The following RAPGEF2 variants were observed in gnomAD, a reference collection of about 807,000 sequenced individuals.
RAPGEF2 encodes Rap guanine nucleotide exchange factor 2.
Under a neutral mutation model 186.7 loss-of-function variants are expected in RAPGEF2, and 54 were observed. The ratio of observed to expected loss-of-function variants is 0.29; its 90% CI spans 0.23 to 0.36. RAPGEF2 has a LOEUF of 0.36. RAPGEF2 is among the 10% of genes least tolerant of loss of function. RAPGEF2 has a pLI of 1.00. For missense variants in RAPGEF2, 1,532 were observed against 2,045.0 expected (o/e 0.75, Z 4.84); for synonymous variants, 712 against 705.9 (o/e 1.01, Z -0.14).
Position 159,337,294 on chromosome 4 carries a change from T to A in RAPGEF2, c.2136-1017T>A, listed in dbSNP as rs1248040090. 2.6e-5 allele frequency among the ~76,000 whole-genome samples: 4 copies of A among 152,354 alleles called. No homozygotes were observed. The East Asian group carries it at 7.7e-4, about 29-fold the overall frequency. Reference sequence around the variant, plus strand: ...TCAAGAAATAATGTCTGTGTCAGTCTCCTTACATTTGACTCCATAGTGATC... The same window carrying A: ...TCAAGAAATAATGTCTGTGTCAGTCACCTTACATTTGACTCCATAGTGATC... On this transcript the variant is annotated intron_variant, in intron 17 of 29. Coordinates refer to ENST00000691494, the MANE Select transcript of RAPGEF2 (RefSeq NM_001394067.2).
chr4:159,159,396 A>G (rs1744462744), intron 1 of RAPGEF2, among the ~76,000 whole-genome samples: 1 of 151,222 alleles, frequency 6.6e-6, no homozygotes, highest in Non-Finnish European at 1.5e-5. Context: ...ATCAACCTAT[A>G]GATGTTTTCA....
chr4:159,171,917 G>C (rs915538029), intron 1 of RAPGEF2, among the ~76,000 whole-genome samples: 2 of 151,972 alleles, frequency 1.3e-5, no homozygotes, highest in Admixed American at 1.3e-4. Flanking sequence ...CCGTTCAAGA[G>C]TTACAGCACC....
In RAPGEF2 at chr4:159,157,620, G is replaced by A. The variant is rs28493277; in HGVS notation, c.70-29022G>A. On this transcript the variant is annotated intron_variant, in intron 1 of 29. Transcript: ENST00000691494. Reference sequence around the variant, plus strand: ...AGGACCAGAAGTTTTGTTGCACTTGGTATCTGTAATCTTCGTATCTGTCTA... The same window carrying A: ...AGGACCAGAAGTTTTGTTGCACTTGATATCTGTAATCTTCGTATCTGTCTA... Among the ~76,000 whole-genome samples the A allele has an allele frequency of 9.8e-3, 1,489 of 152,248 alleles. 29 individuals carry two copies. The highest frequency in any genetic ancestry group is 0.034 in the African/African-American group (1,415 of 41,526).
At chr4:159,287,647 A>G (rs1760682308) in intron 7 of RAPGEF2, among the ~76,000 whole-genome samples, 1 of 152,188 alleles carries the variant, frequency 6.6e-6, no homozygotes, top group Admixed American at 6.5e-5. Context: ...TACATGCATA[A>G]TAAATTGTTA....
intron 1 of RAPGEF2, among the ~76,000 whole-genome samples, chr4:159,153,914 G>A (rs996558785): frequency 2.0e-5 from 3 of 152,088 alleles, no homozygotes; most frequent in African/African-American, 7.2e-5. Context: ...GTATACAGTC[G>A]ATGTTCAATT....
chr4:159,334,094 G>A (rs1427154180), intron 17 of RAPGEF2, among the ~76,000 whole-genome samples: 1 of 152,154 alleles, frequency 6.6e-6, no homozygotes, highest in Non-Finnish European at 1.5e-5. Context: ...GTATTTATAG[G>A]CTCAAGAGGA....
rs569897772 is a variant in RAPGEF2, at chr4:159,314,515, G to T, written c.676-76G>T. ...TATAACAAGCATTATTTTGAATGAG[G>T]CTTGCTCTTGTTTCTTTGGGCCCCA... On this transcript the variant is annotated intron_variant, in intron 8 of 29. Coordinates refer to ENST00000691494, the MANE Select transcript of RAPGEF2 (RefSeq NM_001394067.2). The T allele has an allele frequency of 2.3e-5, 30 of 1,322,772 alleles. 1 individual carries two copies. The African/African-American group carries it at 3.8e-4, about 17-fold the overall frequency. The allele number at this position is 1,322,772 out of a possible 1,614,324, so 81.9% of individuals were successfully genotyped here. A position where few individuals can be genotyped will look rare whatever the true frequency, so the allele number is the denominator to read the frequency against.
chr4:159,281,690 A>G (rs1046130017), intron 7 of RAPGEF2, among the ~76,000 whole-genome samples: 11 of 147,278 alleles, frequency 7.5e-5, no homozygotes, highest in Admixed American at 6.7e-4. Context: ...AAAAAAAAAA[A>G]GAAAAGGAAA....
intron 7 of RAPGEF2, among the ~76,000 whole-genome samples, chr4:159,244,257 G>A (rs1211586304): frequency 6.6e-6 from 1 of 151,830 alleles, no homozygotes; most frequent in Non-Finnish European, 1.5e-5. Context: ...GAGGCCACTG[G>A]TAAAATTTCA....
At chr4:159,358,033 CA>C in intron 29 of RAPGEF2, 80 bp from the exon 30 acceptor site, 1 of 1,351,660 alleles carries the variant, frequency 7.4e-7, no homozygotes, top group Non-Finnish European at 1.0e-6. Context: ...TTATTTAGCA[CA>C]TCAGTGAATA....
intron 4 of RAPGEF2, among the ~76,000 whole-genome samples, chr4:159,226,741 A>G (rs1752078665): frequency 6.6e-6 from 1 of 152,196 alleles, no homozygotes; most frequent in Admixed American, 6.5e-5. Context: ...TATAAGTAAT[A>G]GGTTTTTACC....
chr4:159,240,644 T>A (rs985338136), intron 5 of RAPGEF2, among the ~76,000 whole-genome samples: 4 of 151,992 alleles, frequency 2.6e-5, no homozygotes, highest in African/African-American at 9.7e-5. Flanking sequence ...AAAATTTTTT[T>A]AAATGAGGAA....
intron 4 of RAPGEF2, among the ~76,000 whole-genome samples, chr4:159,217,712 A>G: frequency 6.6e-6 from 1 of 152,114 alleles, no homozygotes; most frequent in African/African-American, 2.4e-5. Flanking sequence ...TTCTATTTTT[A>G]TTTCTTTGAG....
At chr4:159,263,194 T>G (rs2110756393) in intron 7 of RAPGEF2, among the ~76,000 whole-genome samples, 1 of 152,276 alleles carries the variant, frequency 6.6e-6, no homozygotes, top group East Asian at 1.9e-4. Flanking sequence ...CGTGAAAATG[T>G]AAGATTGAGT....
intron 1 of RAPGEF2, among the ~76,000 whole-genome samples, chr4:159,130,209 T>G (rs1413481509): frequency 6.6e-6 from 1 of 152,202 alleles, no homozygotes; most frequent in African/African-American, 2.4e-5. Context: ...TTTGTCTGCT[T>G]CTTTACCTTG....
At chr4:159,274,184 TTTC>T (rs2110840693) in intron 7 of RAPGEF2, among the ~76,000 whole-genome samples, 1 of 152,340 alleles carries the variant, frequency 6.6e-6, no homozygotes, top group South Asian at 2.1e-4. Context: ...ATGCTTAAGT[TTTC>T]TTCATTTTCT....
At chr4:159,199,073 AAAAAAGT>A (rs1252872088) in intron 3 of RAPGEF2, among the ~76,000 whole-genome samples, 1 of 151,724 alleles carries the variant, frequency 6.6e-6, no homozygotes, top group East Asian at 2.0e-4. Flanking sequence ...AAAAAAAAAA[AAAAAAGT>A]GAAACCAAAG....
chr4:159,303,406 A>G (rs549080660), intron 7 of RAPGEF2, among the ~76,000 whole-genome samples: 2 of 152,324 alleles, frequency 1.3e-5, no homozygotes, highest in South Asian at 4.1e-4. Flanking sequence ...GAGTGTTATC[A>G]GTATTTCATG....
intron 19 of RAPGEF2, among the ~76,000 whole-genome samples, chr4:159,340,012 CTG>C (rs529286693): frequency 4.3e-4 from 65 of 152,296 alleles, no homozygotes; most frequent in East Asian, 1.7e-3. Context: ...GATATTTTCA[CTG>C]TTAGGTATAT....
Sources: gnomAD v4.1 joint callset for allele counts (sites outside exome capture counted in the v4.1 genomes callset) on GRCh38, gnomAD v4.1.1 for gene constraint, MANE v1.5 for transcripts, NCBI Gene and HGNC (gene_info 2026-07-23, HGNC 2026-07-21) for gene names.